The following ABHD6 variants were observed in gnomAD, a reference collection of about 807,000 sequenced individuals.
The protein encoded by ABHD6 is monoacylglycerol lipase ABHD6.
Under a neutral mutation model 38.8 loss-of-function variants are expected in ABHD6, and 33 were observed. The observed-to-expected ratio is 0.85, with a 90% CI of 0.64 to 1.14. The LOEUF (loss-of-function observed/expected upper bound fraction) is 1.14. Among genes scored for constraint, ABHD6 ranks in the 50% most tolerant of loss-of-function variants. ABHD6 has a pLI of 0.00. For missense variants in ABHD6, 380 were observed against 422.6 expected, an observed-to-expected ratio of 0.90 and a Z score of 0.88; for synonymous variants, 147 against 161.6, an observed-to-expected ratio of 0.91 and a Z score of 0.69.
Position 58,293,697 on chromosome 3 carries a change from A to T in ABHD6, c.946A>T (p.Thr316Ser), listed in dbSNP as rs1266339364. 2.5e-6 allele frequency: 4 copies of T among 1,614,130 alleles called. No homozygotes were observed. The highest frequency in any genetic ancestry group is 2.5e-6 in the Non-Finnish European group (3 of 1,180,040). ...HSVVMERPRKTAKLIIDFLAS... is the reference protein window; with the variant it reads ...HSVVMERPRKSAKLIIDFLAS... ...AGTAGTGATGGAAAGACCCAGGAAGACAGCCAAGCTCATAATCGACTTTTT... is the reference window on the plus strand; with the variant it reads ...AGTAGTGATGGAAAGACCCAGGAAGTCAGCCAAGCTCATAATCGACTTTTT... The change falls in exon 10 of 10, where the codon ACA becomes TCA. Residue 316 changes from threonine (T) to serine (S), a missense_variant. Coordinates refer to ENST00000478253, the MANE Select transcript of ABHD6 (RefSeq NM_001320126.2). The surrounding 1 kb of genome is among the most constrained non-coding windows in gnomAD (Gnocchi z 4.4).
chr3:58,293,906 T>G lies in ABHD6; in HGVS notation c.*141T>G. 9.0e-6 allele frequency: 8 copies of G among 884,216 alleles called. No homozygotes were observed. The highest frequency in any genetic ancestry group is 3.0e-5 in the Admixed American group (1 of 33,812). The allele number at this position is 884,216 out of a possible 1,614,324, so 54.8% of individuals were successfully genotyped here. On this transcript the variant is annotated 3_prime_UTR_variant, in exon 10 of 10. Transcript: ENST00000478253. The surrounding 1 kb of genome is among the most constrained non-coding windows in gnomAD (Gnocchi z 4.4). Reference sequence around the variant, plus strand: ...GAGGAAGCCCGTCCCTTATCCCTGGTATCCACGGTTCCCCAGAGCTTTGGG... The same window carrying G: ...GAGGAAGCCCGTCCCTTATCCCTGGGATCCACGGTTCCCCAGAGCTTTGGG...
At chr3:58,251,000 A>G (rs1352761315) in intron 2 of ABHD6, among the ~76,000 whole-genome samples, 1 of 152,202 alleles carries the variant, frequency 6.6e-6, no homozygotes, top group Non-Finnish European at 1.5e-5. Context: ...CTAGGAGGTT[A>G]GACTGATGCA....
At chr3:58,276,975 A>G (rs891363360) in intron 7 of ABHD6, among the ~76,000 whole-genome samples, 1 of 151,982 alleles carries the variant, frequency 6.6e-6, no homozygotes, top group East Asian at 1.9e-4. Context: ...TTGTCTATAT[A>G]TCTGTTTTTG....
chr3:58,267,445 G>T lies in ABHD6; in HGVS notation c.276+100G>T. ...TTTGGGAGCCTGAGGCAGGAGGATT[G>T]CTTGAGTCCAGGAGTTCAAAACCAG... On this transcript the variant is annotated intron_variant, in intron 4 of 9. Coordinates refer to ENST00000478253, the MANE Select transcript of ABHD6 (RefSeq NM_001320126.2). This position sits in a 1 kb window ranked among gnomAD's most constrained non-coding sequence, Gnocchi z 4.3. 6.8e-7 allele frequency: 1 copy of T among 1,472,956 alleles called. No homozygotes were observed. Among genetic ancestry groups the T allele is most frequent in the Admixed American group, 1.9e-5 (1 of 51,628 alleles). 91.2% of individuals were successfully genotyped at this position (1,472,956 alleles called of 1,614,324 possible).
intron 1 of ABHD6, among the ~76,000 whole-genome samples, chr3:58,242,960 G>A (rs1353953656): frequency 6.6e-6 from 1 of 152,142 alleles, no homozygotes; most frequent in Non-Finnish European, 1.5e-5. Flanking sequence ...CTATGAGTGA[G>A]ACTGTGCGGT....
In ABHD6 at chr3:58,260,825, G is replaced by A. The variant is rs539784067; in HGVS notation, c.119+4120G>A. Among the ~76,000 whole-genome samples the A allele has an allele frequency of 2.0e-5, 3 of 152,318 alleles. No individual in the cohort carries two copies. The South Asian group carries it at 6.2e-4, about 32-fold the overall frequency. Reference sequence around the variant, plus strand: ...TTGGTGAAGTCATCACATCGTGCAAGCTCCTGGAGTTCCCTCTGGGATTGT... The same window carrying A: ...TTGGTGAAGTCATCACATCGTGCAAACTCCTGGAGTTCCCTCTGGGATTGT... On this transcript the variant is annotated intron_variant, in intron 3 of 9. Coordinates refer to ENST00000478253, the MANE Select transcript of ABHD6 (RefSeq NM_001320126.2).
rs116060934 is a variant in ABHD6, at chr3:58,246,085, C to T, written c.-90-3793C>T. 3.9e-4 allele frequency among the ~76,000 whole-genome samples: 59 copies of T among 152,308 alleles called. No individual in the cohort carries two copies. In the Middle Eastern group the frequency reaches 0.01, roughly 26 times the overall value. On this transcript the variant is annotated intron_variant, in intron 1 of 9. Coordinates refer to ENST00000478253, the MANE Select transcript of ABHD6 (RefSeq NM_001320126.2). ...CTGGCTGATGACAGTTACATGTACT[C>T]ATGCTAATTCAGTGAGAAACGTTCA...
At chr3:58,258,600 G>C (rs756744235) in intron 3 of ABHD6, 5 of 265,116 alleles carry the variant, frequency 1.9e-5, no homozygotes, top group Non-Finnish European at 3.9e-5. Context: ...CATCGAAATA[G>C]ACCTGGTTCC....
chr3:58,290,584 G>T (rs1222334039), intron 9 of ABHD6, among the ~76,000 whole-genome samples: 4 of 143,414 alleles, frequency 2.8e-5, no homozygotes, highest in African/African-American at 1.1e-4. Flanking sequence ...TTCCCAGACG[G>T]GGTGGCTGCC....
At position 58,293,462 on chromosome 3, in the gene ABHD6, G is replaced by A. The variant is rs1015898506; in HGVS notation, c.838-127G>A. On this transcript the variant is annotated intron_variant, in intron 9 of 9. Coordinates refer to ENST00000478253, the MANE Select transcript of ABHD6 (RefSeq NM_001320126.2). This position sits in a 1 kb window ranked among gnomAD's most constrained non-coding sequence, Gnocchi z 4.4. ...CAAGCCCCAACACCAAAGGGACTTG[G>A]TCCTAAAATTCACATCCTCCTGCCC... 3.2e-5 allele frequency: 30 copies of A among 943,546 alleles called. No homozygotes were observed. The highest frequency in any genetic ancestry group is 4.5e-5 in the Non-Finnish European group (29 of 644,000). 58.4% of individuals were successfully genotyped at this position (943,546 alleles called of 1,614,324 possible). A position where few individuals can be genotyped will look rare whatever the true frequency, so the allele number is the denominator to read the frequency against.
chr3:58,252,229 G>GTTTTTTTTTT lies in ABHD6; in HGVS notation c.-26+2301_-26+2310dup, dbSNP rs10671892. On this transcript the variant is annotated intron_variant, in intron 2 of 9. Transcript: ENST00000478253. ...GCATTTTTCTTTAAATTGACTGCTT[G>GTTTTTTTTTT]TTTTTTTTTTTTTTTTTTTTTTTGG... Among the ~76,000 whole-genome samples the GTTTTTTTTTT allele has an allele frequency of 8.2e-4, 66 of 80,958 alleles. 2 individuals carry two copies. Among genetic ancestry groups the GTTTTTTTTTT allele is most frequent in the Non-Finnish European group, 1.0e-3 (46 of 46,210 alleles). 53.1% of individuals were successfully genotyped at this position (80,958 alleles called of 152,430 possible).
rs936797439 is a variant in ABHD6 at position 58,263,488 on chromosome 3, T to C, written c.120-3701T>C. Among the ~76,000 whole-genome samples the C allele has an allele frequency of 7.9e-5, 12 of 152,314 alleles. No homozygotes were observed. Among genetic ancestry groups the C allele is most frequent in the Admixed American group, 1.3e-4 (2 of 15,306 alleles). ...GGATGTACCAATTAAATGAAAAATA[T>C]CGAGTAGTACCAAAGAGCTCTGTCT... is the stretch of plus-strand genomic sequence containing the variant. On this transcript the variant is annotated intron_variant, in intron 3 of 9. Transcript: ENST00000478253. The surrounding 1 kb of genome is among the most constrained non-coding windows in gnomAD (Gnocchi z 4.9).
intron 3 of ABHD6, among the ~76,000 whole-genome samples, chr3:58,261,888 C>A (rs1692617674): frequency 6.6e-6 from 1 of 152,110 alleles, no homozygotes; most frequent in Non-Finnish European, 1.5e-5. Context: ...AATGTGTGCA[C>A]CAATGTCCAT....
rs1022302266 is a variant in ABHD6 at position 58,266,712 on chromosome 3, G to A, written c.120-477G>A. On this transcript the variant is annotated intron_variant, in intron 3 of 9. Coordinates refer to ENST00000478253, the MANE Select transcript of ABHD6 (RefSeq NM_001320126.2). The surrounding 1 kb of genome is among the most constrained non-coding windows in gnomAD (Gnocchi z 4.0). ...TGCAGAGAGTTCAATTTGTTTAGAT[G>A]GTAATTTCATATTGAAATTGATTTT... Among the ~76,000 whole-genome samples the A allele has an allele frequency of 2.0e-5, 3 of 152,130 alleles. No homozygotes were observed. The highest frequency in any genetic ancestry group is 7.2e-5 in the African/African-American group (3 of 41,416).
At chr3:58,244,798 C>T (rs1428771401) in intron 1 of ABHD6, among the ~76,000 whole-genome samples, 2 of 151,836 alleles carry the variant, frequency 1.3e-5, no homozygotes, top group Non-Finnish European at 2.9e-5. Flanking sequence ...GTAATTGTAA[C>T]CTAAATTTTG....
intron 1 of ABHD6, among the ~76,000 whole-genome samples, chr3:58,243,459 T>G (rs2097424211): frequency 6.6e-6 from 1 of 152,022 alleles, no homozygotes; most frequent in African/African-American, 2.4e-5. Context: ...AAAGTCTAAG[T>G]GAAGGAGATA....
intron 2 of ABHD6, among the ~76,000 whole-genome samples, chr3:58,252,240 T>G (rs1193763247): frequency 2.1e-5 from 3 of 144,440 alleles, no homozygotes; most frequent in Non-Finnish European, 4.5e-5. Context: ...TTTTTTTTTT[T>G]TTTTTTTTTT....
chr3:58,292,521 G>A (rs1288114299), intron 9 of ABHD6, among the ~76,000 whole-genome samples: 1 of 152,124 alleles, frequency 6.6e-6, no homozygotes, highest in East Asian at 1.9e-4. Context: ...AAAAGGATCA[G>A]CCCTGGAAAA....
intron 9 of ABHD6, among the ~76,000 whole-genome samples, chr3:58,290,369 G>T (rs2097461312): frequency 7.2e-6 from 1 of 139,272 alleles, no homozygotes; most frequent in Non-Finnish European, 1.6e-5. Flanking sequence ...CCTCCCGGAT[G>T]GAGCGGCTGG....
Sources: allele counts gnomAD v4.1 joint callset (sites outside exome capture counted in the v4.1 genomes callset), GRCh38; gene constraint gnomAD v4.1.1; non-coding constraint Gnocchi (gnomAD v3.1); transcripts MANE v1.5; gene names NCBI Gene and HGNC (gene_info 2026-07-23, HGNC 2026-07-21).